DKK3: variants seen among roughly 807,000 people sequenced by gnomAD.
The protein encoded by DKK3 is dickkopf-related protein 3.
A neutral mutation model predicts 33.2 loss-of-function variants in DKK3; 22 were observed. The ratio of observed to expected loss-of-function variants is 0.66; its 90% CI spans 0.47 to 0.95. The LOEUF (loss-of-function observed/expected upper bound fraction) is 0.95. Among genes scored for constraint, DKK3 ranks in the 40% least tolerant of loss-of-function variants. The pLI is 0.00. For synonymous variants in DKK3, 194 were observed against 188.8 expected, an observed-to-expected ratio of 1.03 and a Z score of -0.23; for missense variants, 398 against 458.4, an observed-to-expected ratio of 0.87 and a Z score of 1.20.
At position 12,008,325 on chromosome 11, in the gene DKK3, C is replaced by A. The variant is rs745764456; in HGVS notation, c.213+45G>T. The A allele has an allele frequency of 8.3e-6, 13 of 1,568,322 alleles. No individual in the cohort carries two copies. In the South Asian group the frequency reaches 1.3e-4, roughly 15 times the overall value. On this transcript the variant is annotated intron_variant, in intron 1 of 6. Transcript: ENST00000683431. This position sits in a 1 kb window ranked among gnomAD's most constrained non-coding sequence, Gnocchi z 4.6. ...ATGCCTTCCCAGACTTCGCTGCCCC[C>A]AGTCTGGCGCTTCTCAGAGCCCCGC...
chr11:11,965,661 C>T, intron 6 of DKK3, 148 bp downstream of exon 6: 1 of 992,484 alleles, frequency 1.0e-6, no homozygotes, highest in Non-Finnish European at 1.4e-6. Context: ...TTGGACCCTT[C>T]CATCTGCATG....
chr11:12,007,885 C>T (rs544121337), intron 1 of DKK3, among the ~76,000 whole-genome samples: 1 of 152,190 alleles, frequency 6.6e-6, no homozygotes, highest in Admixed American at 6.5e-5. Flanking sequence ...AGCAAGACAG[C>T]CCAGACAGAC....
intron 3 of DKK3, among the ~76,000 whole-genome samples, chr11:11,975,527 TAAAC>T (rs896104512): frequency 2.0e-5 from 3 of 152,168 alleles, no homozygotes; most frequent in African/African-American, 7.2e-5. Flanking sequence ...ATTTGTGAGA[TAAAC>T]AAATAATCCT....
chr11:12,003,825 C>T (rs1384745408), intron 1 of DKK3, among the ~76,000 whole-genome samples: 1 of 151,974 alleles, frequency 6.6e-6, no homozygotes, highest in African/African-American at 2.4e-5. Flanking sequence ...TAGATGAGCC[C>T]CTGCTTTAAC....
chr11:12,008,278 G>T lies in DKK3; in HGVS notation c.213+92C>A. 6.9e-7 allele frequency: 1 copy of T among 1,455,446 alleles called. No homozygotes were observed. The highest frequency in any genetic ancestry group is 1.4e-5 in the South Asian group (1 of 72,324). 90.2% of individuals were successfully genotyped at this position (1,455,446 alleles called of 1,614,324 possible). A position where few individuals can be genotyped will look rare whatever the true frequency, so the allele number is the denominator to read the frequency against. On this transcript the variant is annotated intron_variant, in intron 1 of 6. Coordinates refer to ENST00000683431, the MANE Select transcript of DKK3 (RefSeq NM_001018057.2). This position sits in a 1 kb window ranked among gnomAD's most constrained non-coding sequence, Gnocchi z 4.6. ...TTCCCAGGCCCTGCGCGGGACCCGA[G>T]GTCCCTGGCCAGCGCTCTTCCATGC...
intron 3 of DKK3, among the ~76,000 whole-genome samples, chr11:11,991,716 T>G (rs2135074290): frequency 6.6e-6 from 1 of 152,280 alleles, no homozygotes; most frequent in Admixed American, 6.5e-5. Flanking sequence ...CAGACACTGG[T>G]GCCATGCTCG....
At chr11:11,969,675 TC>T (rs10719341) in intron 3 of DKK3, among the ~76,000 whole-genome samples, 99,899 of 151,886 alleles carry the variant, frequency 0.66, 33,187 homozygotes, top group Middle Eastern at 0.86. Context: ...CAGAGCATCC[TC>T]CCCATCCTGA....
Position 11,998,733 on chromosome 11 carries a change from A to AT in DKK3, c.397dup (p.Ile133AsnfsTer51). 1 of 1,614,234 alleles carries AT rather than the reference A, an allele frequency of 6.2e-7. No homozygotes were observed. The highest frequency in any genetic ancestry group is 8.5e-7 in the Non-Finnish European group (1 of 1,180,040). On this transcript the variant is annotated frameshift_variant, in exon 3 of 7. Coordinates refer to ENST00000683431, the MANE Select transcript of DKK3 (RefSeq NM_001018057.2). LOFTEE classifies it high-confidence loss of function. ...GCCTTCTTCGTCTCCCACAGATGTG[A>AT]TAACTGTCTCTGAAAAGACCATTTG... is the stretch of plus-strand genomic sequence containing the variant.
upstream of DKK3, chr11:12,008,736 G>A: frequency 8.3e-7 from 1 of 1,206,058 alleles, no homozygotes; most frequent in Non-Finnish European, 1.0e-6. This position sits in a 1 kb window ranked among gnomAD's most constrained non-coding sequence, Gnocchi z 4.6. Context: ...GGAGACGGGA[G>A]GAAACCGAGG....
chr11:11,990,292 G>A (rs915797068), intron 3 of DKK3, among the ~76,000 whole-genome samples: 1 of 152,198 alleles, frequency 6.6e-6, no homozygotes, highest in Non-Finnish European at 1.5e-5. Context: ...CCTAATGAGA[G>A]TTCAAGTTCA....
At chr11:11,986,118 C>A (rs182647542) in intron 3 of DKK3, among the ~76,000 whole-genome samples, 1 of 152,266 alleles carries the variant, frequency 6.6e-6, no homozygotes, top group East Asian at 1.9e-4. Flanking sequence ...CACCCGGGTA[C>A]CCCTGGCCTG....
At chr11:11,995,843 T>G (rs2093461726) in intron 3 of DKK3, among the ~76,000 whole-genome samples, 1 of 152,220 alleles carries the variant, frequency 6.6e-6, no homozygotes, top group African/African-American at 2.4e-5. Context: ...TGTGCTCAGG[T>G]GCAATAACAT....
intron 3 of DKK3, among the ~76,000 whole-genome samples, chr11:11,978,486 C>CTCTTCT (rs143534733): frequency 6.8e-6 from 1 of 147,930 alleles, no homozygotes; most frequent in Non-Finnish European, 1.5e-5. Context: ...CTTTTTCTTC[C>CTCTTCT]TCTTCTTCTT....
upstream of DKK3, chr11:12,008,943 A>C: frequency 9.7e-7 from 1 of 1,028,074 alleles, no homozygotes; most frequent in Non-Finnish European, 1.2e-6. The surrounding 1 kb of genome is among the most constrained non-coding windows in gnomAD (Gnocchi z 4.6). Flanking sequence ...GCCCCAGCTC[A>C]CCTAGACTCT....
chr11:11,969,401 C>A (rs1033214164), intron 3 of DKK3, among the ~76,000 whole-genome samples: 2 of 152,158 alleles, frequency 1.3e-5, no homozygotes, highest in African/African-American at 4.8e-5. Flanking sequence ...TGTTCAGTGA[C>A]TCCTCCCAGC....
At chr11:11,989,963 G>A (rs1326223538) in intron 3 of DKK3, among the ~76,000 whole-genome samples, 1 of 152,186 alleles carries the variant, frequency 6.6e-6, no homozygotes, top group African/African-American at 2.4e-5. Context: ...CAAGTCAGAT[G>A]CCTGGCACAG....
chr11:11,988,746 A>T (rs986679300), intron 3 of DKK3, among the ~76,000 whole-genome samples: 1 of 152,194 alleles, frequency 6.6e-6, no homozygotes, highest in African/African-American at 2.4e-5. Context: ...TGAATGGTCA[A>T]GGAAATCACA....
intron 3 of DKK3, chr11:11,994,492 T>G (rs1237113790): frequency 6.6e-6 from 1 of 152,182 alleles, no homozygotes; most frequent in African/African-American, 2.4e-5. Context: ...CTAGCCTCCC[T>G]GGACCTTGCA....
At chr11:11,964,842 A>G (rs538692974) in intron 6 of DKK3, 156 bp from the exon 7 acceptor site, 28 of 1,411,022 alleles carry the variant, frequency 2.0e-5, no homozygotes, top group South Asian at 2.9e-5. Flanking sequence ...GTCAACATCT[A>G]TCTTAAAATG....
Sources: allele counts gnomAD v4.1 joint callset (sites outside exome capture counted in the v4.1 genomes callset), GRCh38; gene constraint gnomAD v4.1.1; non-coding constraint Gnocchi (gnomAD v3.1); transcripts MANE v1.5; gene names NCBI Gene and HGNC (gene_info 2026-07-23, HGNC 2026-07-21).